Variants in PLA2G12A observed in about 807,000 individuals in gnomAD.
PLA2G12A encodes the protein phospholipase A2 group XIIA, also known as group XIIA secretory phospholipase A2.
Under a neutral mutation model 16.0 loss-of-function variants are expected in PLA2G12A, and 11 were observed. That is an observed-to-expected ratio of 0.69 (90% CI 0.43 to 1.13). PLA2G12A has a LOEUF of 1.13. Among genes scored for constraint, PLA2G12A ranks in the 50% most tolerant of loss-of-function variants. The probability of loss-of-function intolerance (pLI) is 0.00; values close to 1 mark genes in which losing one functional copy is unlikely to be tolerated. For synonymous variants in PLA2G12A, 77 were observed against 93.8 expected (o/e 0.82, Z 1.03); for missense variants, 214 against 237.3 (o/e 0.90, Z 0.65).
Position 109,714,001 on chromosome 4 carries a change from G to A in PLA2G12A, c.*376C>T, listed in dbSNP as rs1320523798. On this transcript the variant is annotated 3_prime_UTR_variant, in exon 4 of 4. Coordinates refer to ENST00000243501, the MANE Select transcript of PLA2G12A (RefSeq NM_030821.5). The stretch of plus-strand genomic sequence containing the variant: ...TTCCCCATTTTCCAAATAAGATAAT[G>A]TTGAACAGACATTATGATGAATTTT... 1.2e-5 allele frequency: 2 copies of A among 171,062 alleles called. No individual in the cohort carries two copies. The highest frequency in any genetic ancestry group is 4.7e-5 in the African/African-American group (2 of 42,160). 10.6% of individuals were successfully genotyped at this position (171,062 alleles called of 1,614,324 possible). A position where few individuals can be genotyped will look rare whatever the true frequency, so the allele number is the denominator to read the frequency against.
chr4:109,723,128 C>T (rs1446614367), intron 1 of PLA2G12A, among the ~76,000 whole-genome samples: 5 of 151,820 alleles, frequency 3.3e-5, no homozygotes, highest in African/African-American at 1.2e-4. Flanking sequence ...GCTTTTTAAC[C>T]TTTTGTGCTG....
At chr4:109,720,574 C>CAAAAAAA (rs61477793) in intron 1 of PLA2G12A, among the ~76,000 whole-genome samples, 1 of 37,474 alleles carries the variant, frequency 2.7e-5, no homozygotes, top group African/African-American at 1.2e-4. Context: ...TGTCTGTATT[C>CAAAAAAA]AAAAAAAAAA....
At chr4:109,719,369 T>C (rs924490019) in intron 1 of PLA2G12A, among the ~76,000 whole-genome samples, 5 of 152,084 alleles carry the variant, frequency 3.3e-5, no homozygotes, top group African/African-American at 9.7e-5. Context: ...TCCACAAATA[T>C]ACTTCTTTGC....
intron 3 of PLA2G12A, among the ~76,000 whole-genome samples, chr4:109,714,891 T>C (rs1325322604): frequency 6.6e-6 from 1 of 152,082 alleles, no homozygotes; most frequent in Non-Finnish European, 1.5e-5. Flanking sequence ...CCAGCTCATT[T>C]TTAATTTAAA....
intron 1 of PLA2G12A, among the ~76,000 whole-genome samples, chr4:109,725,725 T>G (rs1722922862): frequency 2.6e-5 from 4 of 152,224 alleles, no homozygotes; most frequent in Admixed American, 2.6e-4. Context: ...TTATTTTCCA[T>G]GTATTTTTTC....
chr4:109,728,645 C>G (rs1325425033), intron 1 of PLA2G12A, among the ~76,000 whole-genome samples: 1 of 152,166 alleles, frequency 6.6e-6, no homozygotes, highest in Non-Finnish European at 1.5e-5. Flanking sequence ...AAATTGCAGG[C>G]AGCATGTGGC....
intron 1 of PLA2G12A, among the ~76,000 whole-genome samples, chr4:109,727,794 T>C (rs573908124): frequency 2.0e-5 from 3 of 152,228 alleles, no homozygotes; most frequent in African/African-American, 7.2e-5. Context: ...AGGGAGACCT[T>C]GCCTCAAAAA....
intron 1 of PLA2G12A, among the ~76,000 whole-genome samples, chr4:109,727,421 T>C (rs1335090758): frequency 6.6e-6 from 1 of 152,148 alleles, no homozygotes; most frequent in Admixed American, 6.5e-5. Context: ...TAATTTTTTT[T>C]TTCATTGAGA....
rs1256899294 is a variant in PLA2G12A, at chr4:109,712,322, T to G, written c.*2055A>C. The G allele has an allele frequency of 6.6e-6, 1 of 152,200 alleles. No homozygotes were observed. Among genetic ancestry groups the G allele is most frequent in the Non-Finnish European group, 1.5e-5 (1 of 68,036 alleles). 9.4% of individuals were successfully genotyped at this position (152,200 alleles called of 1,614,324 possible). ...TAAATCTAAAATTATCCCAAGTTTT[T>G]TTTTTTAATCTGAACATAAAAAACT... On this transcript the variant is annotated 3_prime_UTR_variant, in exon 4 of 4. Transcript: ENST00000243501.
chr4:109,726,739 A>G (rs1722948359), intron 1 of PLA2G12A, among the ~76,000 whole-genome samples: 1 of 152,156 alleles, frequency 6.6e-6, no homozygotes, highest in Non-Finnish European at 1.5e-5. Flanking sequence ...GCTGTCAGGG[A>G]GAAAAAAGTT....
chr4:109,724,699 T>C (rs533257356), intron 1 of PLA2G12A, among the ~76,000 whole-genome samples: 19 of 152,004 alleles, frequency 1.2e-4, no homozygotes, highest in African/African-American at 4.6e-4. Context: ...ATGCCCACCA[T>C]AGGAGAGTAA....
intron 2 of PLA2G12A, among the ~76,000 whole-genome samples, chr4:109,718,351 C>T (rs959045049): frequency 6.6e-6 from 1 of 152,092 alleles, no homozygotes; most frequent in African/African-American, 2.4e-5. Context: ...ACACAGCTAT[C>T]CCACTTAGCC....
In PLA2G12A at chr4:109,729,672, GTCTATCT is replaced by G; in HGVS notation, c.131_137del (p.Lys44ThrfsTer4). 1.2e-6 allele frequency: 2 copies of G among 1,611,906 alleles called. No homozygotes were observed. Among genetic ancestry groups the G allele is most frequent in the Non-Finnish European group, 8.5e-7 (1 of 1,179,822 alleles). ...GGTCCAAGGCGGCGTTCAGGTACGT[GTCTATCT>G]TATGAACGCCGTTCCGGATGGTCTT... On this transcript the variant is annotated frameshift_variant, in exon 1 of 4. Transcript: ENST00000243501. LOFTEE classifies it high-confidence loss of function.
chr4:109,726,873 G>A (rs781692487), intron 1 of PLA2G12A, among the ~76,000 whole-genome samples: 39 of 151,348 alleles, frequency 2.6e-4, no homozygotes, highest in Middle Eastern at 3.2e-3. Context: ...CAGTCCCTCA[G>A]GTAAAGCAAG....
chr4:109,717,768 G>C (rs1364899499), intron 2 of PLA2G12A, 55 bp from the exon 3 acceptor site: 1 of 1,519,494 alleles, frequency 6.6e-7, no homozygotes, highest in Admixed American at 1.7e-5. Context: ...CTCCTCTGAA[G>C]TACTGCATTC....
intron 1 of PLA2G12A, among the ~76,000 whole-genome samples, chr4:109,722,300 G>C (rs910651386): frequency 1.3e-5 from 2 of 152,138 alleles, no homozygotes; most frequent in African/African-American, 4.8e-5. Context: ...TGCTCTTCCT[G>C]TATGTGGATG....
rs576349786 is a variant in PLA2G12A, at chr4:109,725,871, C to T, written c.208+3731G>A. 4.6e-5 allele frequency among the ~76,000 whole-genome samples: 7 copies of T among 152,314 alleles called. No individual in the cohort carries two copies. In the South Asian group the frequency reaches 1.2e-3, roughly 27 times the overall value. The stretch of plus-strand genomic sequence containing the variant: ...CAGAGTTTTGTAAGATTCCAACCTG[C>T]ACTCCCAAACACTTGAGACTTTAAG... On this transcript the variant is annotated intron_variant, in intron 1 of 3. Coordinates refer to ENST00000243501, the MANE Select transcript of PLA2G12A (RefSeq NM_030821.5).
At chr4:109,724,401 C>T (rs1214811073) in intron 1 of PLA2G12A, among the ~76,000 whole-genome samples, 7 of 151,940 alleles carry the variant, frequency 4.6e-5, no homozygotes, top group Non-Finnish European at 8.8e-5. Flanking sequence ...GGATTACAAG[C>T]GTGAGCCATC....
At chr4:109,722,704 T>G (rs1722832874) in intron 1 of PLA2G12A, among the ~76,000 whole-genome samples, 1 of 152,216 alleles carries the variant, frequency 6.6e-6, no homozygotes, top group South Asian at 2.1e-4. Context: ...GACTAAGACA[T>G]TCACCTTCTC....
Sources: allele counts gnomAD v4.1 joint callset (sites outside exome capture counted in the v4.1 genomes callset), GRCh38; gene constraint gnomAD v4.1.1; transcripts MANE v1.5; gene names NCBI Gene and HGNC (gene_info 2026-07-23, HGNC 2026-07-21).